The following NF1 variants were observed in gnomAD, a reference collection of about 807,000 sequenced individuals.
NF1 encodes the protein neurofibromin 1.
In NF1, 122 loss-of-function variants were observed where a neutral mutation model predicts 325.7. The ratio of observed to expected loss-of-function variants is 0.37; its 90% CI spans 0.32 to 0.44. The LOEUF (loss-of-function observed/expected upper bound fraction) is 0.44, where lower values mean the gene tolerates loss of function less well. Among genes scored for constraint, NF1 ranks in the 20% least tolerant of loss-of-function variants. NF1 has a pLI of 1.00. For missense variants in NF1, 2,140 were observed against 3,415.4 expected, an observed-to-expected ratio of 0.63 and a Z score of 9.31; for synonymous variants, 1,091 against 1,186.0, an observed-to-expected ratio of 0.92 and a Z score of 1.65.
At chr17:31,189,684 T>C (rs897767713) in intron 8 of NF1, among the ~76,000 whole-genome samples, 1 of 152,162 alleles carries the variant, frequency 6.6e-6, no homozygotes, top group African/African-American at 2.4e-5. Flanking sequence ...GAAGTATGCT[T>C]TTTAATTTTT....
rs1597626116 is a variant in NF1 at position 31,156,102 on chromosome 17, T to C, written c.180T>C (p.Thr60=). The C allele has an allele frequency of 6.2e-7, 1 of 1,613,782 alleles. No homozygotes were observed. Among genetic ancestry groups the C allele is most frequent in the Non-Finnish European group, 8.5e-7 (1 of 1,179,780 alleles). Residue 60 remains threonine, a synonymous_variant, in exon 2 of 58, where the codon ACT becomes ACC. Transcript: ENST00000358273. The stretch of plus-strand genomic sequence containing the variant: ...CTTTGGTTATAAGCGGCCTCACTAC[T>C]ATTTTAAAGAATGTTAACAATATGG... ...KFSLVISGLT[T]ILKNVNNMRI...
chr17:31,143,734 G>A (rs1161770007), intron 1 of NF1, among the ~76,000 whole-genome samples: 3 of 152,086 alleles, frequency 2.0e-5, no homozygotes, highest in Admixed American at 6.6e-5. Context: ...CAATTAATTT[G>A]TACTTGTACA....
intron 1 of NF1, among the ~76,000 whole-genome samples, chr17:31,100,960 T>C (rs1180949209): frequency 6.6e-6 from 1 of 152,194 alleles, no homozygotes; most frequent in African/African-American, 2.4e-5. Flanking sequence ...GGAACTAATT[T>C]AGTCTTTATG....
chr17:31,361,203 A>T (rs998975078), intron 57 of NF1: 1 of 154,534 alleles, frequency 6.5e-6, no homozygotes, highest in African/African-American at 2.4e-5. Flanking sequence ...AAAATCTGGA[A>T]GTAAATAAAT....
intron 1 of NF1, among the ~76,000 whole-genome samples, chr17:31,148,083 T>C (rs1916699438): frequency 6.6e-6 from 1 of 152,224 alleles, no homozygotes; most frequent in Admixed American, 6.5e-5. Flanking sequence ...TTAGTGTTGC[T>C]AATCCCTATT....
intron 4 of NF1, among the ~76,000 whole-genome samples, chr17:31,163,605 T>C (rs1214495321): frequency 6.6e-6 from 1 of 152,208 alleles, no homozygotes; most frequent in Non-Finnish European, 1.5e-5. Context: ...TATGCATTAA[T>C]ATCTTTGACA....
chr17:31,252,358 G>A lies in NF1; in HGVS notation c.4111-580G>A, dbSNP rs1371541991. ...AGCCTGCAAACATTGAAAAATATGT[G>A]AAATGTTAAGAGTAATCTTTTTTAG... On this transcript the variant is annotated intron_variant, in intron 30 of 57. Transcript: ENST00000358273. The A allele has an allele frequency of 1.5e-5, 3 of 200,442 alleles. No individual in the cohort carries two copies. The Admixed American group carries it at 1.8e-4, about 12-fold the overall frequency. 12.4% of individuals were successfully genotyped at this position (200,442 alleles called of 1,614,324 possible).
chr17:31,203,453 A>G (rs576563045), intron 11 of NF1, among the ~76,000 whole-genome samples: 8 of 152,278 alleles, frequency 5.3e-5, no homozygotes, highest in Admixed American at 2.6e-4. Flanking sequence ...ATTATTATAG[A>G]TAGTGTGGGA....
Position 31,131,150 on chromosome 17 carries a change from T to A in NF1, c.61-24833T>A, listed in dbSNP as rs73271688. 7.8e-3 allele frequency among the ~76,000 whole-genome samples: 1,190 copies of A among 152,292 alleles called. 21 individuals are homozygous for A. Among genetic ancestry groups the A allele is most frequent in the African/African-American group, 0.027 (1,141 of 41,540 alleles). On this transcript the variant is annotated intron_variant, in intron 1 of 57. Coordinates refer to ENST00000358273, the MANE Select transcript of NF1 (RefSeq NM_001042492.3). ...GTCTCCTATGGGAGCAAGTCGAGCC[T>A]TGGGGGATGGGCACTCCTGGCCCTG...
chr17:31,326,323 C>T lies in NF1; in HGVS notation c.5268+71C>T, dbSNP rs2069341051. Reference sequence around the variant, plus strand: ...ACTAACTAGACTATATCCTGGCCTCCCTAGGTGTCCTACCCCTATAGTGGT... The same window carrying T: ...ACTAACTAGACTATATCCTGGCCTCTCTAGGTGTCCTACCCCTATAGTGGT... On this transcript the variant is annotated intron_variant, in intron 37 of 57. Transcript: ENST00000358273. 8 of 1,427,014 alleles carry T rather than the reference C, an allele frequency of 5.6e-6. No individual in the cohort carries two copies. The South Asian group carries it at 8.1e-5, about 14-fold the overall frequency. 88.4% of individuals were successfully genotyped at this position (1,427,014 alleles called of 1,614,324 possible).
At chr17:31,183,411 T>C (rs1485869630) in intron 8 of NF1, 1 of 152,312 alleles carries the variant, frequency 6.6e-6, no homozygotes, top group East Asian at 1.9e-4. Context: ...GATTTATTAC[T>C]TTGTAGAAGT....
At chr17:31,305,673 AT>A in intron 36 of NF1, 1 of 1,512,320 alleles carries the variant, frequency 6.6e-7, no homozygotes, top group Non-Finnish European at 8.9e-7. Flanking sequence ...GTTAGGCGTC[AT>A]TGGTGTCTAG....
chr17:31,214,564 A>G lies in NF1; in HGVS notation c.1506A>G (p.Ala502=), dbSNP rs1597698488. The change falls in exon 13 of 58, where the codon GCA becomes GCG. Residue 502 remains alanine, a synonymous_variant. Coordinates refer to ENST00000358273, the MANE Select transcript of NF1 (RefSeq NM_001042492.3). ...LLLSMVKLIH[A]DPKLLLCNPR... ...TGTCCATGGTGAAACTAATTCATGC[A>G]GATCCAAAGCTCTTGCTTTGTGTAA... The G allele has an allele frequency of 1.2e-6, 2 of 1,613,042 alleles. No individual in the cohort carries two copies. Among genetic ancestry groups the G allele is most frequent in the Admixed American group, 1.7e-5 (1 of 59,960 alleles).
At chr17:31,188,471 T>C (rs1457170714) in intron 8 of NF1, among the ~76,000 whole-genome samples, 1 of 152,246 alleles carries the variant, frequency 6.6e-6, no homozygotes, top group Non-Finnish European at 1.5e-5. Flanking sequence ...GTACGAAGGA[T>C]AATTGTATTA....
chr17:31,273,239 T>G (rs2067937346), intron 36 of NF1, among the ~76,000 whole-genome samples: 1 of 152,232 alleles, frequency 6.6e-6, no homozygotes, highest in African/African-American at 2.4e-5. Context: ...AGGATATTAC[T>G]TCTAAATATT....
At chr17:31,226,933 T>C (rs2067025596) in intron 18 of NF1, among the ~76,000 whole-genome samples, 1 of 152,220 alleles carries the variant, frequency 6.6e-6, no homozygotes, top group Non-Finnish European at 1.5e-5. Context: ...CTATCAGTTA[T>C]GATTATGTAA....
At position 31,243,329 on chromosome 17, in the gene NF1, T is replaced by A. The variant is rs116252361; in HGVS notation, c.3975-5655T>A. ...TACTGCTGCCTGACTACCACCTATGTTCACTCAAGGCCCAAAGGCTCTACA... is the reference window on the plus strand; with the variant it reads ...TACTGCTGCCTGACTACCACCTATGATCACTCAAGGCCCAAAGGCTCTACA... On this transcript the variant is annotated intron_variant, in intron 29 of 57. Transcript: ENST00000358273. Among the ~76,000 whole-genome samples the A allele has an allele frequency of 9.5e-3, 1,437 of 152,056 alleles. 23 individuals carry two copies. The highest frequency in any genetic ancestry group is 0.033 in the African/African-American group (1,355 of 41,446).
At chr17:31,260,961 G>A (rs1392432351) in intron 34 of NF1, among the ~76,000 whole-genome samples, 3 of 152,142 alleles carry the variant, frequency 2.0e-5, no homozygotes, top group South Asian at 2.1e-4. Flanking sequence ...AGAAAATACC[G>A]GCCTGGCACA....
chr17:31,235,338 G>A (rs2067181135), intron 27 of NF1, among the ~76,000 whole-genome samples: 1 of 152,060 alleles, frequency 6.6e-6, no homozygotes, highest in Non-Finnish European at 1.5e-5. Flanking sequence ...GCTGAATCTT[G>A]GAGATTTTGT....
Sources: allele counts gnomAD v4.1 joint callset (sites outside exome capture counted in the v4.1 genomes callset), GRCh38; gene constraint gnomAD v4.1.1; transcripts MANE v1.5; gene names NCBI Gene and HGNC (gene_info 2026-07-23, HGNC 2026-07-21).